HDAC9: variants seen among roughly 807,000 people sequenced by gnomAD.
HDAC9 encodes MEF-2 interacting transcription repressor (MITR) protein.
Under a neutral mutation model 139.4 loss-of-function variants are expected in HDAC9, and 41 were observed. That is an observed-to-expected ratio of 0.29 (90% confidence interval 0.23 to 0.38). HDAC9 has a LOEUF of 0.38. HDAC9 is among the 10% of genes least tolerant of loss of function. The probability of loss-of-function intolerance (pLI) is 1.00; values close to 1 mark genes in which losing one functional copy is unlikely to be tolerated. For missense variants in HDAC9, 1,147 were observed against 1,297.0 expected (o/e 0.88, Z 1.78); for synonymous variants, 517 against 476.2 (o/e 1.09, Z -1.12).
intron 2 of HDAC9, among the ~76,000 whole-genome samples, chr7:18,575,913 A>G (rs572358925): frequency 6.6e-6 from 1 of 152,238 alleles, no homozygotes; most frequent in Non-Finnish European, 1.5e-5. Context: ...CACTGAAAAC[A>G]TAGTCTCTGC....
intron 1 of HDAC9, among the ~76,000 whole-genome samples, chr7:18,144,642 CTT>C (rs1228963014): frequency 6.6e-6 from 1 of 152,118 alleles, no homozygotes; most frequent in Non-Finnish European, 1.5e-5. Context: ...ATGTTGTACT[CTT>C]GTTTAAGCCT....
rs546157575 is a variant in HDAC9, at chr7:18,857,898, C to T, written c.2685-16580C>T. 1.1e-4 allele frequency among the ~76,000 whole-genome samples: 17 copies of T among 152,142 alleles called. No homozygotes were observed. In the South Asian group the frequency reaches 3.5e-3, roughly 32 times the overall value. On this transcript the variant is annotated intron_variant, in intron 21 of 25. Transcript: ENST00000686413. ...TTTGAAAATATTTATCTAATATCTG[C>T]TACTTGAAAAGATTTTTAAAAACAA...
chr7:18,747,684 C>T (rs1399319233), intron 13 of HDAC9, among the ~76,000 whole-genome samples: 1 of 152,048 alleles, frequency 6.6e-6, no homozygotes, highest in African/African-American at 2.4e-5. Flanking sequence ...ATGTGAGAAT[C>T]AGGGGAAGAA....
At position 18,472,972 on chromosome 7, in the gene HDAC9, G is replaced by C. The variant is rs191524506; in HGVS notation, c.-41-23290G>C. ...ACTTAGCAATTTCTAAATCACCTTT[G>C]ATATACAACAATCCATATGCACAGC... On this transcript the variant is annotated intron_variant, in intron 1 of 3. Coordinates refer to the HDAC9 transcript ENST00000413509. 3.9e-5 allele frequency among the ~76,000 whole-genome samples: 6 copies of C among 152,250 alleles called. No individual in the cohort carries two copies. In the East Asian group the frequency reaches 1.2e-3, roughly 29 times the overall value.
intron 1 of HDAC9, chr7:18,458,982 A>G: frequency 9.4e-7 from 1 of 1,067,628 alleles, no homozygotes; most frequent in Non-Finnish European, 1.4e-6. Flanking sequence ...TTTCCAGGCT[A>G]TTGGTCAAAG....
intron 24 of HDAC9, 122 bp from the exon 25 acceptor site, chr7:18,975,684 C>A: frequency 2.2e-6 from 2 of 907,908 alleles, no homozygotes; most frequent in Non-Finnish European, 3.4e-6. Flanking sequence ...AACCAAATTA[C>A]AACTGTGTAT....
At chr7:18,170,448 T>G (rs572279823) in intron 2 of HDAC9, among the ~76,000 whole-genome samples, 6 of 152,364 alleles carry the variant, frequency 3.9e-5, no homozygotes, top group African/African-American at 1.2e-4. Context: ...TTCAGTTTAA[T>G]GAGATCCCAT....
intron 1 of HDAC9, among the ~76,000 whole-genome samples, chr7:18,106,458 T>C (rs1783209753): frequency 6.6e-6 from 1 of 151,990 alleles, no homozygotes; most frequent in East Asian, 1.9e-4. Flanking sequence ...TGCACACATT[T>C]CTTTTTTTTT....
chr7:18,789,236 C>A (rs1266098669), intron 16 of HDAC9, among the ~76,000 whole-genome samples: 1 of 151,594 alleles, frequency 6.6e-6, no homozygotes, highest in Non-Finnish European at 1.5e-5. Context: ...CCTAATCTCC[C>A]TTTCAGCTCA....
At chr7:18,596,206 C>T (rs1222599684) in intron 6 of HDAC9, among the ~76,000 whole-genome samples, 1 of 151,994 alleles carries the variant, frequency 6.6e-6, no homozygotes, top group Non-Finnish European at 1.5e-5. Flanking sequence ...AGCATCGTAG[C>T]AATAAAGTTC....
intron 2 of HDAC9, among the ~76,000 whole-genome samples, chr7:18,187,162 C>T (rs1789979161): frequency 2.0e-5 from 3 of 152,144 alleles, no homozygotes; most frequent in Non-Finnish European, 4.4e-5. Context: ...AAATAACAGT[C>T]AGTGAAAATA....
At chr7:18,380,655 A>T (rs1484596860) in intron 1 of HDAC9, among the ~76,000 whole-genome samples, 1 of 152,218 alleles carries the variant, frequency 6.6e-6, no homozygotes, top group African/African-American at 2.4e-5. Context: ...AGGGAGGCCA[A>T]ATACTTGCAA....
intron 12 of HDAC9, among the ~76,000 whole-genome samples, chr7:18,724,345 C>T (rs1785365988): frequency 2.0e-5 from 3 of 152,122 alleles, no homozygotes; most frequent in South Asian, 4.1e-4. Flanking sequence ...GCCTACAAAC[C>T]TGTACAGCAT....
chr7:18,138,595 C>T (rs995003831), intron 1 of HDAC9, among the ~76,000 whole-genome samples: 1 of 147,320 alleles, frequency 6.8e-6, no homozygotes, highest in Non-Finnish European at 1.5e-5. Flanking sequence ...TGGGTTTTGG[C>T]TCAAGTGGAT....
chr7:18,660,853 A>G (rs1377861723), intron 11 of HDAC9, among the ~76,000 whole-genome samples: 2 of 152,114 alleles, frequency 1.3e-5, no homozygotes, highest in Non-Finnish European at 2.9e-5. Context: ...GATCCCAACT[A>G]AGGTCGGAGA....
chr7:18,959,398 C>T (rs933354339), intron 24 of HDAC9, among the ~76,000 whole-genome samples: 6 of 152,032 alleles, frequency 3.9e-5, no homozygotes, highest in Non-Finnish European at 8.8e-5. Context: ...TAAGTGTCAA[C>T]CAATTTTGTA....
intron 21 of HDAC9, among the ~76,000 whole-genome samples, chr7:18,861,789 C>T (rs1442175676): frequency 6.6e-6 from 1 of 152,156 alleles, no homozygotes; most frequent in Non-Finnish European, 1.5e-5. Context: ...TATAAACTTA[C>T]TAAATGTCAT....
intron 22 of HDAC9, among the ~76,000 whole-genome samples, chr7:18,906,063 C>G (rs901690647): frequency 6.8e-6 from 1 of 146,104 alleles, no homozygotes; most frequent in African/African-American, 2.5e-5. Flanking sequence ...CTTTTCTCTC[C>G]TTTTGCTTTG....
At chr7:18,976,099 A>T (rs1411230563) in intron 25 of HDAC9, 146 bp downstream of exon 25, 6 of 740,014 alleles carry the variant, frequency 8.1e-6, no homozygotes, top group Non-Finnish European at 1.3e-5. Flanking sequence ...GCCACAGCAC[A>T]TGCTTTAGGC....
Sources: allele counts gnomAD v4.1 joint callset (sites outside exome capture counted in the v4.1 genomes callset), GRCh38; gene constraint gnomAD v4.1.1; transcripts MANE v1.5; gene names NCBI Gene and HGNC (gene_info 2026-07-23, HGNC 2026-07-21).